The following BICRA variants were observed in gnomAD, a reference collection of about 807,000 sequenced individuals.
BICRA encodes BRD4 interacting chromatin remodeling complex associated protein.
In BICRA, 31 loss-of-function variants were observed where a neutral mutation model predicts 96.9. That is an observed-to-expected ratio of 0.32 (90% CI 0.24 to 0.43). The LOEUF (loss-of-function observed/expected upper bound fraction) is 0.43. Ranked by LOEUF, BICRA falls within the 20% of genes least tolerant of loss-of-function variation. The pLI, the probability that BICRA is intolerant of heterozygous loss-of-function variation, is 1.00. For missense variants in BICRA, 2,283 were observed against 2,190.3 expected (o/e 1.04, Z -0.84); for synonymous variants, 1,350 against 1,071.8 (o/e 1.26, Z -5.07).
chr19:47,680,712 C>T lies in BICRA; in HGVS notation c.1542C>T (p.Ile514=). The change falls in exon 6 of 15, where the codon ATC becomes ATT. Residue 514 remains isoleucine, a synonymous_variant. Coordinates refer to ENST00000594866, the MANE Select transcript of BICRA (RefSeq NM_001394372.1). ...HTGGQLIANP[I]LTNQNLAGPL... The stretch of plus-strand genomic sequence containing the variant: ...GTGGACAGCTCATCGCGAACCCCAT[C>T]CTCACAAACCAGAACCTGGCGGGCC... 6.2e-7 allele frequency: 1 copy of T among 1,601,934 alleles called. No homozygotes were observed. Among genetic ancestry groups the T allele is most frequent in the South Asian group, 1.1e-5 (1 of 89,612 alleles).
intron 7 of BICRA, among the ~76,000 whole-genome samples, chr19:47,684,115 G>A (rs567427952): frequency 6.6e-6 from 1 of 152,308 alleles, no homozygotes; most frequent in Non-Finnish European, 1.5e-5. Context: ...GAGCACTTAG[G>A]TGGAGTAAAC....
intron 1 of BICRA, among the ~76,000 whole-genome samples, chr19:47,635,565 T>A (rs566475096): frequency 7.9e-5 from 12 of 152,218 alleles, no homozygotes; most frequent in South Asian, 6.2e-4. Context: ...ATTTCTAGGA[T>A]TTTTTTCAAA....
At chr19:47,619,800 G>A (rs1007264246) in intron 1 of BICRA, among the ~76,000 whole-genome samples, 6 of 152,210 alleles carry the variant, frequency 3.9e-5, no homozygotes, top group African/African-American at 1.2e-4. Context: ...GGAGGCTGAG[G>A]TAGGAGAATT....
At chr19:47,665,144 C>T (rs1972759221) in intron 1 of BICRA, among the ~76,000 whole-genome samples, 1 of 151,706 alleles carries the variant, frequency 6.6e-6, no homozygotes, top group Non-Finnish European at 1.5e-5. Context: ...CTGTGCTCCC[C>T]AAGCCAGGGA....
chr19:47,691,671 C>T (rs1418403176), intron 7 of BICRA, among the ~76,000 whole-genome samples: 1 of 152,170 alleles, frequency 6.6e-6, no homozygotes, highest in African/African-American at 2.4e-5. Context: ...TCAAGCAATT[C>T]TCTTGCCTCA....
chr19:47,693,487 G>A (rs911703067), intron 7 of BICRA, among the ~76,000 whole-genome samples: 3 of 152,210 alleles, frequency 2.0e-5, no homozygotes, highest in Admixed American at 1.3e-4. Flanking sequence ...TCCCATGCCC[G>A]CATCCAGAGG....
At chr19:47,687,457 A>C (rs570723156) in intron 7 of BICRA, among the ~76,000 whole-genome samples, 2 of 152,154 alleles carry the variant, frequency 1.3e-5, no homozygotes, top group South Asian at 2.1e-4. Flanking sequence ...CTCTTGAGGA[A>C]TACTTCAGGT....
In BICRA at chr19:47,640,649, G is replaced by C. The variant is rs187917870; in HGVS notation, c.-107-29794G>C. The stretch of plus-strand genomic sequence containing the variant: ...GTGGAAGAAAACAGAGGGAATGGGG[G>C]CAGAGAGGGCTGGCGGTGTGGGTGG... On this transcript the variant is annotated intron_variant, in intron 1 of 14. Transcript: ENST00000594866. Among the ~76,000 whole-genome samples the C allele has an allele frequency of 2.0e-5, 3 of 152,250 alleles. No homozygotes were observed. The South Asian group carries it at 6.2e-4, about 32-fold the overall frequency.
intron 1 of BICRA, among the ~76,000 whole-genome samples, chr19:47,619,128 G>A (rs1387506571): frequency 6.6e-6 from 1 of 151,982 alleles, no homozygotes; most frequent in African/African-American, 2.4e-5. Context: ...TCCCTAGAAC[G>A]TGCGCGGTGA....
chr19:47,694,463 C>T lies in BICRA; in HGVS notation c.2632C>T (p.His878Tyr), dbSNP rs768279206. The change falls in exon 8 of 15, where the codon CAC becomes TAC. Residue 878 changes from histidine to tyrosine, a missense_variant. Coordinates refer to ENST00000594866, the MANE Select transcript of BICRA (RefSeq NM_001394372.1). ...PPEGPLPPAP[H>Y]LPPSSTSSAV... is the part of the protein sequence containing the mutation. ...TGAGGGACCGCTGCCCCCAGCCCCC[C>T]ACCTCCCTCCATCCTCCACCTCCTC... 1.8e-6 allele frequency: 2 copies of T among 1,124,922 alleles called. No homozygotes were observed. The highest frequency in any genetic ancestry group is 2.7e-6 in the Non-Finnish European group (2 of 745,208). 69.7% of individuals were successfully genotyped at this position (1,124,922 alleles called of 1,614,324 possible). A position where few individuals can be genotyped will look rare whatever the true frequency, so the allele number is the denominator to read the frequency against.
At chr19:47,618,122 G>T (rs1972011490) in intron 1 of BICRA, among the ~76,000 whole-genome samples, 1 of 152,176 alleles carries the variant, frequency 6.6e-6, no homozygotes, top group Non-Finnish European at 1.5e-5. Flanking sequence ...GATTACACAG[G>T]TTTGGGGGTC....
intron 5 of BICRA, chr19:47,679,059 CCTGA>C (rs957931180): frequency 2.1e-5 from 7 of 326,746 alleles, no homozygotes; most frequent in Admixed American, 4.8e-5. Context: ...TGCTGCCACC[CCTGA>C]CTAATTTTTC....
At chr19:47,620,153 TC>T (rs1257470932) in intron 1 of BICRA, among the ~76,000 whole-genome samples, 1 of 152,126 alleles carries the variant, frequency 6.6e-6, no homozygotes, top group African/African-American at 2.4e-5. Flanking sequence ...AGAAATTCTT[TC>T]CCGTGAGTAT....
chr19:47,684,667 G>A (rs1047170077), intron 7 of BICRA, among the ~76,000 whole-genome samples: 2 of 152,178 alleles, frequency 1.3e-5, no homozygotes, highest in Non-Finnish European at 2.9e-5. Context: ...GTAGGTGGTA[G>A]CATCTCATTT....
chr19:47,652,435 T>C (rs965341885), intron 1 of BICRA, among the ~76,000 whole-genome samples: 1 of 152,096 alleles, frequency 6.6e-6, no homozygotes, highest in South Asian at 2.1e-4. Flanking sequence ...GTGATCCTGC[T>C]CTCTTGGCTC....
chr19:47,648,165 A>T (rs1015000441), intron 1 of BICRA, among the ~76,000 whole-genome samples: 4 of 151,800 alleles, frequency 2.6e-5, no homozygotes, highest in African/African-American at 9.7e-5. Flanking sequence ...TTCTGTGCCG[A>T]TGCCCAGTTG....
chr19:47,624,992 CTTTTTTTTTT>C (rs35273886), intron 1 of BICRA, among the ~76,000 whole-genome samples: 4 of 57,912 alleles, frequency 6.9e-5, no homozygotes, highest in East Asian at 1.2e-3. Flanking sequence ...CTGCACCTGG[CTTTTTTTTTT>C]TTTTTTTTTT....
chr19:47,612,312 G>T (rs550293941), intron 1 of BICRA, among the ~76,000 whole-genome samples: 2 of 151,942 alleles, frequency 1.3e-5, no homozygotes, highest in Admixed American at 1.3e-4. Flanking sequence ...CTACTTGGGG[G>T]TGCTGAGGTG....
rs890908961 is a variant in BICRA, at chr19:47,696,559, G to A, written c.3248+47G>A. 1.4e-5 allele frequency: 22 copies of A among 1,534,324 alleles called. No homozygotes were observed. In the Admixed American group the frequency reaches 3.6e-4, roughly 25 times the overall value. ...GCATGCCTGCCCTGTACCTTCCAGA[G>A]ACCTGGGGGAGCATGGGGCCACCCT... On this transcript the variant is annotated intron_variant, in intron 11 of 14. Transcript: ENST00000594866.
Sources: gnomAD v4.1 joint callset for allele counts (sites outside exome capture counted in the v4.1 genomes callset) on GRCh38, gnomAD v4.1.1 for gene constraint, MANE v1.5 for transcripts, NCBI Gene and HGNC (gene_info 2026-07-23, HGNC 2026-07-21) for gene names.